Variants in RORA observed in about 807,000 individuals in gnomAD.
RORA encodes RAR related orphan receptor A, also known as nuclear receptor ROR-alpha.
A neutral mutation model predicts 69.5 loss-of-function variants in RORA; 7 were observed. The observed-to-expected ratio is 0.10, with a 90% CI of 0.06 to 0.19. The LOEUF is 0.19. Among genes scored for constraint, RORA ranks in the 10% least tolerant of loss-of-function variants. The pLI, the probability that RORA is intolerant of heterozygous loss-of-function variation, is 1.00. For missense variants in RORA, 457 were observed against 663.0 expected, an observed-to-expected ratio of 0.69 and a Z score of 3.41; for synonymous variants, 261 against 240.8, an observed-to-expected ratio of 1.08 and a Z score of -0.78.
At chr15:60,634,681 G>A (rs900988968) in intron 2 of RORA, among the ~76,000 whole-genome samples, 10 of 152,126 alleles carry the variant, frequency 6.6e-5, no homozygotes, top group African/African-American at 2.4e-4. Flanking sequence ...GGGATTACAA[G>A]CTTGAGCCAC....
chr15:60,659,681 T>A (rs554777869), intron 2 of RORA, among the ~76,000 whole-genome samples: 1 of 152,244 alleles, frequency 6.6e-6, no homozygotes, highest in South Asian at 2.1e-4. Context: ...CTACCCAAAG[T>A]GATCAAACCC....
At chr15:60,688,268 A>C (rs2070775411) in intron 1 of RORA, among the ~76,000 whole-genome samples, 1 of 152,178 alleles carries the variant, frequency 6.6e-6, no homozygotes, top group African/African-American at 2.4e-5. Flanking sequence ...AGGAAAAAAA[A>C]ATGTATAGAA....
intron 2 of RORA, among the ~76,000 whole-genome samples, chr15:60,646,951 G>T (rs868126872): frequency 6.6e-6 from 1 of 152,148 alleles, no homozygotes; most frequent in Non-Finnish European, 1.5e-5. Flanking sequence ...CAGCATACAC[G>T]CAAATTTCCC....
intron 1 of RORA, among the ~76,000 whole-genome samples, chr15:60,988,307 A>ATT (rs1390703104): frequency 1.3e-5 from 2 of 152,196 alleles, no homozygotes; most frequent in African/African-American, 4.8e-5. Context: ...TTTGGGGTAG[A>ATT]AAGTCAGAAG....
At chr15:60,718,811 A>G (rs1567167812) in intron 1 of RORA, among the ~76,000 whole-genome samples, 1 of 152,240 alleles carries the variant, frequency 6.6e-6, no homozygotes, top group African/African-American at 2.4e-5. Flanking sequence ...TGTGCCTTTC[A>G]CTGATGAAAA....
intron 1 of RORA, among the ~76,000 whole-genome samples, chr15:61,119,088 G>GC (rs1035539332): frequency 1.6e-5 from 2 of 127,026 alleles, no homozygotes; most frequent in East Asian, 2.3e-4. Context: ...AGAAGGGGGG[G>GC]GGGGGCGCCA....
intron 1 of RORA, among the ~76,000 whole-genome samples, chr15:60,852,959 T>G (rs1235013142): frequency 6.6e-6 from 1 of 152,240 alleles, no homozygotes; most frequent in Non-Finnish European, 1.5e-5. Context: ...CCTCTTCTGC[T>G]GACAGCATCT....
At chr15:61,073,604 T>C (rs7168008) in intron 1 of RORA, among the ~76,000 whole-genome samples, 90,688 of 151,878 alleles carry the variant, frequency 0.6, 27,342 homozygotes, top group Non-Finnish European at 0.66. Context: ...TTGTGCAGAG[T>C]TGAGAAAACC....
chr15:60,852,534 G>A (rs2073337711), intron 1 of RORA, among the ~76,000 whole-genome samples: 1 of 152,184 alleles, frequency 6.6e-6, no homozygotes, highest in African/African-American at 2.4e-5. Flanking sequence ...AGGTGCTTAT[G>A]AAATTTTCAT....
intron 1 of RORA, among the ~76,000 whole-genome samples, chr15:60,978,959 C>CCCT (rs1423510527): frequency 2.0e-5 from 1 of 48,978 alleles, no homozygotes; most frequent in African/African-American, 7.3e-5. Context: ...TCCAACTTTG[C>CCCT]TCTTTTTTTT....
intron 1 of RORA, among the ~76,000 whole-genome samples, chr15:61,090,761 A>G (rs1019649893): frequency 3.3e-5 from 5 of 152,206 alleles, no homozygotes; most frequent in African/African-American, 1.2e-4. Flanking sequence ...CCGGTGAAAC[A>G]GGAATCAGTG....
intron 1 of RORA, among the ~76,000 whole-genome samples, chr15:61,078,010 G>A (rs1308035880): frequency 1.3e-5 from 2 of 152,004 alleles, no homozygotes; most frequent in Admixed American, 1.3e-4. Context: ...AACAAACCTC[G>A]GTGAAGAGAG....
intron 1 of RORA, among the ~76,000 whole-genome samples, chr15:61,211,450 C>G (rs1410548375): frequency 1.3e-5 from 2 of 152,214 alleles, no homozygotes; most frequent in Non-Finnish European, 2.9e-5. Flanking sequence ...TTCCCACTGT[C>G]AGATCAAACA....
chr15:60,497,357 A>T lies in RORA; in HGVS notation c.*98T>A. On this transcript the variant is annotated 3_prime_UTR_variant, in exon 11 of 11. Transcript: ENST00000335670. Reference sequence around the variant, plus strand: ...AAAGATGTGCAGTGTGTGGCGCTCCAGGTCTGTGCAGGGCCATATAAAGTG... The same window carrying T: ...AAAGATGTGCAGTGTGTGGCGCTCCTGGTCTGTGCAGGGCCATATAAAGTG... 1 of 986,822 alleles carries T rather than the reference A, an allele frequency of 1.0e-6. No individual in the cohort carries two copies. 61.1% of individuals were successfully genotyped at this position (986,822 alleles called of 1,614,324 possible).
intron 2 of RORA, among the ~76,000 whole-genome samples, chr15:60,645,420 ATTTT>A (rs11382212): frequency 1.5e-5 from 2 of 135,434 alleles, no homozygotes; most frequent in Admixed American, 7.5e-5. Flanking sequence ...TGACAGATAA[ATTTT>A]TTTTTTTTTT....
rs147118765 is a variant in RORA at position 61,069,424 on chromosome 15, T to A, written c.166+159629A>T. Among the ~76,000 whole-genome samples the A allele has an allele frequency of 5.8e-4, 89 of 152,142 alleles. 1 individual carries two copies. In the East Asian group the frequency reaches 0.016, roughly 28 times the overall value. ...AAGCAAAAAGAAATTTCAGAAAAGA[T>A]AACAAATTAGTTTAGCAAAGTCACA... is the stretch of plus-strand genomic sequence containing the variant. On this transcript the variant is annotated intron_variant, in intron 1 of 10. Coordinates refer to ENST00000335670, the MANE Select transcript of RORA (RefSeq NM_134261.3).
intron 1 of RORA, among the ~76,000 whole-genome samples, chr15:61,138,705 T>C (rs988165286): frequency 2.0e-5 from 3 of 151,950 alleles, no homozygotes; most frequent in Non-Finnish European, 4.4e-5. Context: ...GGAACGTCTG[T>C]GCCCCTCGGG....
chr15:60,839,796 G>A (rs117682342), intron 1 of RORA, among the ~76,000 whole-genome samples: 2,785 of 152,280 alleles, frequency 0.018, 36 homozygotes, highest in Middle Eastern at 0.065. Flanking sequence ...AGAAGCATGG[G>A]AGGAAATAAA....
chr15:60,737,899 G>A (rs1291834224), intron 1 of RORA, among the ~76,000 whole-genome samples: 2 of 152,186 alleles, frequency 1.3e-5, no homozygotes, highest in Non-Finnish European at 2.9e-5. Flanking sequence ...CAGAGACTTC[G>A]GTGACAGCCG....
Sources: allele counts gnomAD v4.1 joint callset (sites outside exome capture counted in the v4.1 genomes callset), GRCh38; gene constraint gnomAD v4.1.1; transcripts MANE v1.5; gene names NCBI Gene and HGNC (gene_info 2026-07-23, HGNC 2026-07-21).